The following GCSAM variants were observed in gnomAD, a reference collection of about 807,000 sequenced individuals.
GCSAM encodes the protein germinal center associated signaling and motility, also known as germinal center-associated signaling and motility protein.
GCSAM carries 8 observed loss-of-function variants against 17.6 expected under a neutral mutation model. The observed-to-expected ratio is 0.46, with a 90% CI of 0.27 to 0.82. The LOEUF (loss-of-function observed/expected upper bound fraction) is 0.82. Ranked by LOEUF, GCSAM falls within the 40% of genes least tolerant of loss-of-function variation. The pLI, the probability that GCSAM is intolerant of heterozygous loss-of-function variation, is 0.15. For synonymous variants in GCSAM, 68 were observed against 69.0 expected (o/e 0.98, Z 0.07); for missense variants, 192 against 213.5 (o/e 0.90, Z 0.63).
chr3:112,127,813 A>G (rs1218781926), intron 3 of GCSAM, among the ~76,000 whole-genome samples: 1 of 152,162 alleles, frequency 6.6e-6, no homozygotes, highest in Non-Finnish European at 1.5e-5. Flanking sequence ...TTCCTGTTTG[A>G]GGAGAGCATG....
chr3:112,132,469 C>A (rs2074479941), intron 1 of GCSAM, among the ~76,000 whole-genome samples: 1 of 152,184 alleles, frequency 6.6e-6, no homozygotes, highest in East Asian at 1.9e-4. Context: ...CAGAAAATAT[C>A]TTCTAATTTT....
At position 112,130,501 on chromosome 3, in the gene GCSAM, G is replaced by T; in HGVS notation, c.42C>A (p.Asn14Lys). Residue 14 changes from asparagine to lysine, a missense_variant, in exon 2 of 6, where the codon AAC becomes AAA. Coordinates refer to ENST00000308910, the MANE Select transcript of GCSAM (RefSeq NM_152785.5). ...SLLRENRRQQ[N>K]TQEMPWNVRM... ...TCACATTCCAAGGCATCTCTTGAGT[G>T]TTCTGCTGCCGCCTGAAACTCAACA... is the stretch of plus-strand genomic sequence containing the variant. The T allele has an allele frequency of 6.2e-7, 1 of 1,613,944 alleles. No homozygotes were observed. Among genetic ancestry groups the T allele is most frequent in the Non-Finnish European group, 8.5e-7 (1 of 1,179,852 alleles).
At position 112,133,124 on chromosome 3, in the gene GCSAM, C is replaced by G. The variant is rs202114131; in HGVS notation, c.-4G>C. 2.5e-6 allele frequency: 4 copies of G among 1,613,912 alleles called. No homozygotes were observed. Among genetic ancestry groups the G allele is most frequent in the Middle Eastern group, 1.7e-4 (1 of 6,060 alleles). ...CTCTCAGCAGAGAATTTCCCATCCT[C>G]TCAGTCCTCTCAGGGCTTCCCCTCC... is the stretch of plus-strand genomic sequence containing the variant. On this transcript the variant is annotated 5_prime_UTR_variant, in exon 1 of 6. Transcript: ENST00000308910.
At chr3:112,130,776 A>T (rs1312076292) in intron 1 of GCSAM, 1 of 497,372 alleles carries the variant, frequency 2.0e-6, no homozygotes, top group Non-Finnish European at 3.7e-6. Flanking sequence ...ATCTGATCCC[A>T]AATATCCAGG....
At position 112,121,911 on chromosome 3, in the gene GCSAM, T is replaced by G. The variant is rs1203884297; in HGVS notation, c.*1544A>C. On this transcript the variant is annotated 3_prime_UTR_variant, in exon 6 of 6. Transcript: ENST00000308910. ...ATAATGTACCAGGTTCCCTGTCGCT[T>G]AGCTGGTCCAAGGGCCTGTCTAGTA... 6.6e-6 allele frequency: 1 copy of G among 152,226 alleles called. No homozygotes were observed. The highest frequency in any genetic ancestry group is 2.4e-5 in the African/African-American group (1 of 41,460). 9.4% of individuals were successfully genotyped at this position (152,226 alleles called of 1,614,324 possible). A position where few individuals can be genotyped will look rare whatever the true frequency, so the allele number is the denominator to read the frequency against.
chr3:112,126,578 C>T (rs1228133132), intron 4 of GCSAM, among the ~76,000 whole-genome samples: 1 of 152,172 alleles, frequency 6.6e-6, no homozygotes, highest in African/African-American at 2.4e-5. Flanking sequence ...CATACTTGCC[C>T]CCGCCTCCCC....
intron 1 of GCSAM, chr3:112,130,815 C>A (rs16859274): frequency 0.012 from 4,764 of 400,494 alleles, 120 homozygotes; most frequent in African/African-American, 0.052. Flanking sequence ...TGAGAGTATC[C>A]GTGTCCAGAG....
intron 5 of GCSAM, among the ~76,000 whole-genome samples, chr3:112,124,689 A>G (rs1343873894): frequency 2.0e-5 from 3 of 152,168 alleles, no homozygotes; most frequent in Non-Finnish European, 2.9e-5. Context: ...CCCTCTAGAG[A>G]TATTTATGTT....
intron 5 of GCSAM, among the ~76,000 whole-genome samples, chr3:112,124,699 T>G (rs1214726886): frequency 6.6e-6 from 1 of 152,224 alleles, no homozygotes; most frequent in African/African-American, 2.4e-5. Context: ...ATATTTATGT[T>G]ATTAAATAGG....
chr3:112,130,524 A>G lies in GCSAM; in HGVS notation c.30-11T>C. 1.9e-6 allele frequency: 3 copies of G among 1,612,696 alleles called. No homozygotes were observed. The highest frequency in any genetic ancestry group is 1.3e-5 in the African/African-American group (1 of 75,026). On this transcript the variant is annotated splice_polypyrimidine_tract_variant and intron_variant, in intron 1 of 5. Transcript: ENST00000308910. ...GTGTTCTGCTGCCGCCTGAAACTCA[A>G]CATATCAGAAACAGGCTAAGTATTT...
rs574992957 is a variant in GCSAM at position 112,123,492 on chromosome 3, A to C, written c.500T>G (p.Leu167Arg). Reference sequence around the variant, plus strand: ...AAACTGAGTCTCAGAAGGGGCCATAAGTGGACGTGGCTGTTGCAGAAAGTG... The same window carrying C: ...AAACTGAGTCTCAGAAGGGGCCATACGTGGACGTGGCTGTTGCAGAAAGTG... Reference protein sequence around the residue: ...SSHFLQQPRPLMAPSETQFSH... With the variant: ...SSHFLQQPRPRMAPSETQFSH... The change falls in exon 6 of 6, where the codon CTT becomes CGT. Residue 167 changes from leucine to arginine, a missense_variant. Transcript: ENST00000308910. The C allele has an allele frequency of 6.2e-7, 1 of 1,614,148 alleles. No individual in the cohort carries two copies. The highest frequency in any genetic ancestry group is 1.1e-5 in the South Asian group (1 of 91,084).
chr3:112,120,937 CTTAATA>C lies in GCSAM; in HGVS notation c.*2512_*2517del, dbSNP rs2074184267. On this transcript the variant is annotated 3_prime_UTR_variant, in exon 6 of 6. Coordinates refer to ENST00000308910, the MANE Select transcript of GCSAM (RefSeq NM_152785.5). ...AGAATTTTTTAACTCTTTTTTTGTT[CTTAATA>C]TTATTTTTGACTGACAAATCATAAT... 1 of 151,798 alleles carries C rather than the reference CTTAATA, an allele frequency of 6.6e-6. No homozygotes were observed. 9.4% of individuals were successfully genotyped at this position (151,798 alleles called of 1,614,324 possible). A position where few individuals can be genotyped will look rare whatever the true frequency, so the allele number is the denominator to read the frequency against.
rs1244121141 is a variant in GCSAM, at chr3:112,123,459, A to T, written c.533T>A (p.Leu178Ter). The change falls in exon 6 of 6, where the codon TTA (leucine) becomes TAA (stop). Residue 178 changes from leucine to a stop codon, truncating the protein, a stop_gained. Transcript: ENST00000308910. LOFTEE classifies it high-confidence loss of function. ...AATGCTAGTCCAGCCACTTCACTAT[A>T]AATGGGAAAACTGAGTCTCAGAAGG... ...MAPSETQFSH[L>*] The T allele has an allele frequency of 3.7e-6, 6 of 1,613,672 alleles. No individual in the cohort carries two copies. Among genetic ancestry groups the T allele is most frequent in the Non-Finnish European group, 4.2e-6 (5 of 1,179,802 alleles).
intron 1 of GCSAM, among the ~76,000 whole-genome samples, chr3:112,132,000 G>A (rs1003625018): frequency 6.6e-6 from 1 of 151,974 alleles, no homozygotes; most frequent in East Asian, 1.9e-4. Context: ...TTCAGTGCAC[G>A]TGATATGCCA....
At position 112,123,578 on chromosome 3, in the gene GCSAM, G is replaced by C; in HGVS notation, c.414C>G (p.Pro138=). The change falls in exon 6 of 6, where the codon CCC becomes CCG. Residue 138 remains proline (P), a synonymous_variant. Coordinates refer to ENST00000308910, the MANE Select transcript of GCSAM (RefSeq NM_152785.5). ...YSLLHMPSTD[P]RHARSPEDEY... ...CATCTTCTGGGGATCGGGCATGCCT[G>C]GGGTCTGTAGAAGGCATATGTAGAA... 6.2e-7 allele frequency: 1 copy of C among 1,614,122 alleles called. No individual in the cohort carries two copies. Among genetic ancestry groups the C allele is most frequent in the South Asian group, 1.1e-5 (1 of 91,078 alleles).
At chr3:112,124,082 G>A (rs2074256672) in intron 5 of GCSAM, among the ~76,000 whole-genome samples, 1 of 152,192 alleles carries the variant, frequency 6.6e-6, no homozygotes, top group Non-Finnish European at 1.5e-5. Context: ...CCCATTGTTG[G>A]AGGTGGTGCC....
At chr3:112,129,482 A>C (rs1176893158) in intron 2 of GCSAM, 1 of 152,142 alleles carries the variant, frequency 6.6e-6, no homozygotes, top group East Asian at 1.9e-4. Flanking sequence ...AGCCTCCAAG[A>C]AGCAAGCTAG....
At chr3:112,132,589 A>G in intron 1 of GCSAM, 2 of 924,526 alleles carry the variant, frequency 2.2e-6, no homozygotes, top group Non-Finnish European at 2.6e-6. Context: ...AGGTCCAGAA[A>G]GTAAATCTGA....
intron 2 of GCSAM, chr3:112,128,289 C>T: frequency 3.0e-6 from 2 of 672,538 alleles, no homozygotes; most frequent in South Asian, 3.1e-5. Context: ...GCTGTGTTCC[C>T]AGCAAAGGAA....
Sources: allele counts gnomAD v4.1 joint callset (sites outside exome capture counted in the v4.1 genomes callset), GRCh38; gene constraint gnomAD v4.1.1; transcripts MANE v1.5; gene names NCBI Gene and HGNC (gene_info 2026-07-23, HGNC 2026-07-21).